Variants in SH3TC1 observed in about 807,000 individuals in gnomAD.
SH3TC1 encodes SH3 domain and tetratricopeptide repeat-containing protein 1.
SH3TC1 carries 135 observed loss-of-function variants against 117.3 expected under a neutral mutation model. The ratio of observed to expected loss-of-function variants is 1.15; its 90% CI spans 1.00 to 1.33. The LOEUF (loss-of-function observed/expected upper bound fraction) is 1.33. SH3TC1 is among the 40% of genes most tolerant of loss of function. SH3TC1 has a pLI of 0.00. For synonymous variants in SH3TC1, 898 were observed against 816.9 expected (o/e 1.10, Z -1.69); for missense variants, 2,092 against 1,794.3 (o/e 1.17, Z -3.00).
chr4:8,222,738 CG>C (rs1318522395), intron 9 of SH3TC1, 101 bp from the exon 10 acceptor site: 1 of 1,443,778 alleles, frequency 6.9e-7, no homozygotes, highest in Non-Finnish European at 9.4e-7. Flanking sequence ...AGTAGTGCTC[CG>C]AGACTATCTG....
rs771402446 is a variant in SH3TC1, at chr4:8,240,805, C to A, written c.3861C>A (p.Tyr1287Ter). The change falls in exon 18 of 18, where the codon TAC becomes TAA. Residue 1287 changes from tyrosine (Y) to a stop codon, truncating the protein, a stop_gained. Transcript: ENST00000245105. LOFTEE classifies it low-confidence loss of function (END_TRUNC). ...LKIYTRLATI[Y>*]HNFLLDREKS... ...TCTACACGCGGCTGGCCACCATCTA[C>A]CACAACTTCCTCCTGGACCGTGAGA... is the stretch of plus-strand genomic sequence containing the variant. The A allele has an allele frequency of 6.2e-7, 1 of 1,614,158 alleles. No individual in the cohort carries two copies. Among genetic ancestry groups the A allele is most frequent in the Non-Finnish European group, 8.5e-7 (1 of 1,180,046 alleles).
upstream of SH3TC1, among the ~76,000 whole-genome samples, chr4:8,197,445 G>A (rs1433837699): frequency 2.0e-5 from 3 of 152,234 alleles, no homozygotes; most frequent in Non-Finnish European, 2.9e-5. Flanking sequence ...CTCCTCAGAC[G>A]CAGCCGGGGC....
rs975087406 is a variant in SH3TC1, at chr4:8,207,470, G to A, written c.172+2104G>A. Reference sequence around the variant, plus strand: ...CTGTTCCTCATCAAATTCATGAAGCGCTACTGTCTCATCATGGGCTGGCCT... The same window carrying A: ...CTGTTCCTCATCAAATTCATGAAGCACTACTGTCTCATCATGGGCTGGCCT... On this transcript the variant is annotated intron_variant, in intron 2 of 17. Coordinates refer to ENST00000245105, the MANE Select transcript of SH3TC1 (RefSeq NM_018986.5). 5.3e-5 allele frequency among the ~76,000 whole-genome samples: 8 copies of A among 152,184 alleles called. No individual in the cohort carries two copies. The East Asian group carries it at 1.2e-3, about 22-fold the overall frequency.
At chr4:8,196,317 G>A (rs1249609073), upstream of SH3TC1, among the ~76,000 whole-genome samples, 3 of 152,172 alleles carry the variant, frequency 2.0e-5, no homozygotes, top group Admixed American at 6.5e-5. This position sits in a 1 kb window ranked among gnomAD's most constrained non-coding sequence, Gnocchi z 4.6. Context: ...TGTGACCCTC[G>A]GTGGAGAAGA....
intron 4 of SH3TC1, among the ~76,000 whole-genome samples, chr4:8,214,238 T>TG (rs1719010709): frequency 6.6e-6 from 1 of 151,510 alleles, no homozygotes; most frequent in East Asian, 1.9e-4. Flanking sequence ...AGCCAGGGCA[T>TG]GGGGGCCACG....
rs142058136 is a variant in SH3TC1 at position 8,240,881 on chromosome 4, G to C, written c.3937G>C (p.Val1313Leu). 2.5e-6 allele frequency: 4 copies of C among 1,613,258 alleles called. No individual in the cohort carries two copies. The highest frequency in any genetic ancestry group is 2.5e-6 in the Non-Finnish European group (3 of 1,180,018). The change falls in exon 18 of 18, where the codon GTC becomes CTC. Residue 1313 changes from valine (V) to leucine (L), a missense_variant. Val to Leu is a conservative substitution (Grantham distance 32). Coordinates refer to ENST00000245105, the MANE Select transcript of SH3TC1 (RefSeq NM_018986.5). ...KARTFATELN[V>L]RRVNLPPLPL... Reference sequence around the variant, plus strand: ...CAGGACCTTCGCCACAGAGCTCAACGTCCGCAGGGTCAACCTGCCTCCTCT... The same window carrying C: ...CAGGACCTTCGCCACAGAGCTCAACCTCCGCAGGGTCAACCTGCCTCCTCT...
chr4:8,208,106 C>T (rs1330073504), intron 2 of SH3TC1, among the ~76,000 whole-genome samples: 1 of 152,232 alleles, frequency 6.6e-6, no homozygotes, highest in African/African-American at 2.4e-5. Flanking sequence ...TGGCAACCCT[C>T]ATCCAACCCT....
At position 8,227,116 on chromosome 4, in the gene SH3TC1, C is replaced by T. The variant is rs202015964; in HGVS notation, c.1422C>T (p.Asp474=). 9.5e-5 allele frequency: 154 copies of T among 1,612,680 alleles called. No homozygotes were observed. In the East Asian group the frequency reaches 2.0e-3, roughly 21 times the overall value. Reference sequence around the variant, plus strand: ...GGGGTCTCTGTGCGGCATCCAGCGACGTGAGCTTGCAGGACCCCGAGGAGC... The same window carrying T: ...GGGGTCTCTGTGCGGCATCCAGCGATGTGAGCTTGCAGGACCCCGAGGAGC... The part of the protein sequence containing the change: ...ASWGLCAASS[D]VSLQDPEEPS... The change falls in exon 12 of 18, where the codon GAC becomes GAT. Residue 474 remains aspartate (D), a synonymous_variant. Coordinates refer to ENST00000245105, the MANE Select transcript of SH3TC1 (RefSeq NM_018986.5).
In SH3TC1 at chr4:8,227,683, C is replaced by T. The variant is rs369549026; in HGVS notation, c.1989C>T (p.Ala663=). 1.7e-5 allele frequency: 27 copies of T among 1,545,170 alleles called. No homozygotes were observed. Among genetic ancestry groups the T allele is most frequent in the East Asian group, 2.3e-5 (1 of 44,200 alleles). ...RRAVGGQSLQ[A]EARACFLLAR... is the part of the protein sequence containing the mutation. ...CGGTGGGTGGCCAGAGCCTGCAGGC[C>T]GAGGCCCGGGCCTGCTTCCTGCTGG... Residue 663 remains alanine, a synonymous_variant, in exon 12 of 18, where the codon GCC becomes GCT. Coordinates refer to ENST00000245105, the MANE Select transcript of SH3TC1 (RefSeq NM_018986.5).
chr4:8,203,949 T>C (rs1012114118), intron 1 of SH3TC1, among the ~76,000 whole-genome samples: 1 of 152,178 alleles, frequency 6.6e-6, no homozygotes. Flanking sequence ...CAGGAGGCTC[T>C]GGGGGTTGTC....
intron 1 of SH3TC1, among the ~76,000 whole-genome samples, chr4:8,182,527 C>T (rs1405469942): frequency 6.6e-6 from 1 of 152,134 alleles, no homozygotes; most frequent in African/African-American, 2.4e-5. Flanking sequence ...AGGATCCCGA[C>T]GACTGGGCGG....
intron 5 of SH3TC1, among the ~76,000 whole-genome samples, chr4:8,215,660 G>A (rs543905975): frequency 2.6e-5 from 4 of 152,322 alleles, no homozygotes; most frequent in East Asian, 1.9e-4. Flanking sequence ...TGCCCCAGAC[G>A]AGAGGGGGGA....
chr4:8,232,374 G>A (rs746349235), intron 13 of SH3TC1: 27 of 1,583,010 alleles, frequency 1.7e-5, no homozygotes, highest in Non-Finnish European at 2.0e-5. Context: ...TGGGTGACAC[G>A]TCTTCCCATC....
At chr4:8,191,271 C>T (rs978273034) in intron 1 of SH3TC1, among the ~76,000 whole-genome samples, 3 of 152,226 alleles carry the variant, frequency 2.0e-5, no homozygotes, top group African/African-American at 7.2e-5. Context: ...TCCAGGCTGA[C>T]GCCTGCCCCG....
At chr4:8,182,654 G>A (rs1299439450) in intron 1 of SH3TC1, among the ~76,000 whole-genome samples, 1 of 152,202 alleles carries the variant, frequency 6.6e-6, no homozygotes, top group Non-Finnish European at 1.5e-5. Flanking sequence ...TGTAAGATGA[G>A]GCATTGGTGT....
chr4:8,219,504 C>A lies in SH3TC1; in HGVS notation c.1086C>A (p.Leu362=). ...SGRVGFVRSS[L]ISMQGPVSEL... ...GGGTGGGGTTTGTGCGGAGCAGCCT[C>A]ATCAGCATGCAGGGCCCCGTGTCCG... The change falls in exon 9 of 18, where the codon CTC becomes CTA. Residue 362 remains leucine, a synonymous_variant. Transcript: ENST00000245105. 1 of 1,582,692 alleles carries A rather than the reference C, an allele frequency of 6.3e-7. No homozygotes were observed. The highest frequency in any genetic ancestry group is 8.6e-7 in the Non-Finnish European group (1 of 1,159,206).
chr4:8,212,824 T>G lies in SH3TC1; in HGVS notation c.371T>G (p.Leu124Arg). 2 of 1,576,832 alleles carry G rather than the reference T, an allele frequency of 1.3e-6. No homozygotes were observed. The highest frequency in any genetic ancestry group is 1.7e-6 in the Non-Finnish European group (2 of 1,161,200). Residue 124 changes from leucine to arginine, a missense_variant, in exon 4 of 18, where the codon CTT (leucine) becomes CGT (arginine). Leu to Arg is a moderately radical substitution (Grantham distance 102). Transcript: ENST00000245105. ...ENDSREMARVLGELSARLLSI... is the reference protein window; with the variant it reads ...ENDSREMARVRGELSARLLSI... The stretch of plus-strand genomic sequence containing the variant: ...GATAGCCGGGAGATGGCCCGCGTGC[T>G]TGGGGTGAGTAGCCCTCTGGGGCCT...
chr4:8,191,301 C>T (rs1388548516), intron 1 of SH3TC1, among the ~76,000 whole-genome samples: 2 of 152,178 alleles, frequency 1.3e-5, no homozygotes, highest in African/African-American at 4.8e-5. Context: ...GACATTCCGG[C>T]CAGTTCGGGG....
At chr4:8,213,225 T>G (rs926936091) in intron 4 of SH3TC1, 1 of 177,206 alleles carries the variant, frequency 5.6e-6, no homozygotes, top group African/African-American at 2.4e-5. Flanking sequence ...ATACCAGCCT[T>G]CTGGGGAGGC....
Sources: gnomAD v4.1 joint callset for allele counts (sites outside exome capture counted in the v4.1 genomes callset) on GRCh38, gnomAD v4.1.1 for gene constraint, Gnocchi (gnomAD v3.1) non-coding constraint, MANE v1.5 for transcripts, NCBI Gene and HGNC (gene_info 2026-07-23, HGNC 2026-07-21) for gene names.